The following COL14A1 variants were observed in gnomAD, a reference collection of about 807,000 sequenced individuals.
COL14A1 encodes collagen alpha-1(XIV) chain.
A neutral mutation model predicts 230.3 loss-of-function variants in COL14A1; 136 were observed. That is an observed-to-expected ratio of 0.59 (90% CI 0.51 to 0.68). The LOEUF is 0.68. Among genes scored for constraint, COL14A1 ranks in the 30% least tolerant of loss-of-function variants. COL14A1 has a pLI of 0.00. For synonymous variants in COL14A1, 792 were observed against 784.1 expected (o/e 1.01, Z -0.17); for missense variants, 1,976 against 2,215.8 (o/e 0.89, Z 2.17).
chr8:120,248,007 A>G lies in COL14A1; in HGVS notation c.2602+272A>G, dbSNP rs753755371. Among the ~76,000 whole-genome samples, 85 of 152,184 alleles carry G rather than the reference A, an allele frequency of 5.6e-4. 3 individuals carry two copies. Among genetic ancestry groups the G allele is most frequent in the Non-Finnish European group, 1.5e-4 (10 of 68,032 alleles). On this transcript the variant is annotated intron_variant, in intron 21 of 47. Transcript: ENST00000297848. ...TATTGGGTATATACATGACCTAATC[A>G]TACCCTAGACCAGGAACCAATCTAA...
intron 11 of COL14A1, among the ~76,000 whole-genome samples, chr8:120,209,397 AGT>A (rs1396176906): frequency 1.3e-5 from 2 of 152,056 alleles, no homozygotes; most frequent in African/African-American, 4.8e-5. Flanking sequence ...AGGATGTTTT[AGT>A]GTAGTAGGGG....
chr8:120,132,650 C>G (rs1365555977), intron 1 of COL14A1, among the ~76,000 whole-genome samples: 3 of 149,054 alleles, frequency 2.0e-5, no homozygotes, highest in Non-Finnish European at 3.0e-5. Flanking sequence ...GGGTAACGTT[C>G]TTTTTTTTCT....
chr8:120,248,408 A>G (rs1251843369), intron 21 of COL14A1, among the ~76,000 whole-genome samples: 1 of 152,130 alleles, frequency 6.6e-6, no homozygotes, highest in Non-Finnish European at 1.5e-5. Context: ...TTACAGTACC[A>G]TCTCCCCATT....
intron 5 of COL14A1, 24 bp downstream of exon 5, chr8:120,168,271 CAT>C: frequency 6.5e-7 from 1 of 1,542,972 alleles, no homozygotes; most frequent in Non-Finnish European, 8.9e-7. Context: ...TTAATTAACT[CAT>C]ATTGGGAGTT....
chr8:120,231,049 G>T (rs535731252), intron 18 of COL14A1, among the ~76,000 whole-genome samples: 16 of 152,334 alleles, frequency 1.1e-4, no homozygotes, highest in Non-Finnish European at 2.1e-4. Flanking sequence ...ATTGGGATGT[G>T]TGTTGGATGC....
intron 22 of COL14A1, among the ~76,000 whole-genome samples, chr8:120,252,765 A>G (rs913446141): frequency 6.6e-6 from 1 of 152,172 alleles, no homozygotes. Context: ...CACTTGCCCT[A>G]TATCTTACCC....
intron 2 of COL14A1, among the ~76,000 whole-genome samples, chr8:120,149,084 A>G (rs561637417): frequency 2.6e-5 from 4 of 152,270 alleles, no homozygotes; most frequent in Non-Finnish European, 4.4e-5. Flanking sequence ...AATATGCACA[A>G]CTGTGCAAAG....
At chr8:120,225,038 T>G in intron 14 of COL14A1, 50 bp from the exon 15 acceptor site, 1 of 1,559,358 alleles carries the variant, frequency 6.4e-7, no homozygotes, top group Non-Finnish European at 8.7e-7. Flanking sequence ...AAAATGATTC[T>G]TATACTTAGC....
At chr8:120,323,905 A>C (rs1403488587) in intron 40 of COL14A1, among the ~76,000 whole-genome samples, 1 of 152,184 alleles carries the variant, frequency 6.6e-6, no homozygotes, top group East Asian at 1.9e-4. Flanking sequence ...TAAGAATGAG[A>C]TAATGTCCTT....
At chr8:120,292,148 T>C (rs1048723377) in intron 34 of COL14A1, among the ~76,000 whole-genome samples, 13 of 152,166 alleles carry the variant, frequency 8.5e-5, no homozygotes, top group Admixed American at 7.9e-4. Context: ...TTTACAATTG[T>C]ATTTTAACGT....
chr8:120,180,701 CTTTTTTTTTTTTT>C (rs34377563), intron 5 of COL14A1, among the ~76,000 whole-genome samples: 6 of 83,544 alleles, frequency 7.2e-5, no homozygotes, highest in African/African-American at 3.1e-4. Flanking sequence ...GGTAGGAAGC[CTTTTTTTTTTTTT>C]TTTTTTTTTT....
intron 5 of COL14A1, among the ~76,000 whole-genome samples, chr8:120,184,153 A>G (rs1816567317): frequency 6.6e-6 from 1 of 152,068 alleles, no homozygotes; most frequent in Non-Finnish European, 1.5e-5. Context: ...TATTAATATA[A>G]AAAAGGAAGC....
At chr8:120,231,122 G>T (rs1276290950) in intron 18 of COL14A1, among the ~76,000 whole-genome samples, 1 of 152,204 alleles carries the variant, frequency 6.6e-6, no homozygotes, top group Non-Finnish European at 1.5e-5. Flanking sequence ...CAGAGCACTA[G>T]TGTGAGGTTC....
intron 23 of COL14A1, among the ~76,000 whole-genome samples, 159 bp downstream of exon 23, chr8:120,255,515 T>G (rs1232322868): frequency 1.3e-5 from 2 of 152,244 alleles, no homozygotes; most frequent in Non-Finnish European, 2.9e-5. Context: ...TCTGACTGGT[T>G]GGGTAAGTGA....
chr8:120,154,998 C>T (rs1374870191), intron 2 of COL14A1, among the ~76,000 whole-genome samples: 1 of 152,096 alleles, frequency 6.6e-6, no homozygotes, highest in East Asian at 1.9e-4. Context: ...ACAGCTGTGA[C>T]CTCAGGCCTC....
intron 45 of COL14A1, among the ~76,000 whole-genome samples, chr8:120,363,048 A>C (rs563925844): frequency 2.0e-5 from 3 of 152,340 alleles, no homozygotes; most frequent in Admixed American, 2.0e-4. Context: ...TAGAAAAAGC[A>C]GTGTTCACCT....
chr8:120,306,466 A>G (rs1184386232), intron 36 of COL14A1, among the ~76,000 whole-genome samples: 1 of 152,216 alleles, frequency 6.6e-6, no homozygotes, highest in Non-Finnish European at 1.5e-5. Context: ...AAACTAAGAA[A>G]TAGTATCCTG....
At chr8:120,224,008 C>A (rs1342926853) in intron 14 of COL14A1, among the ~76,000 whole-genome samples, 1 of 144,940 alleles carries the variant, frequency 6.9e-6, no homozygotes, top group African/African-American at 2.6e-5. Flanking sequence ...GCCTTCTAGA[C>A]CCTGCCCTCA....
At position 120,283,504 on chromosome 8, in the gene COL14A1, C is replaced by T. The variant is rs1298100323; in HGVS notation, c.3825-132C>T. On this transcript the variant is annotated intron_variant, in intron 31 of 47. Coordinates refer to ENST00000297848, the MANE Select transcript of COL14A1 (RefSeq NM_021110.4). ...TTTACTAAATTAGATCAACAGTGAT[C>T]TAGTTGGTGTTAATGGTGGTCTTTT... 3.7e-6 allele frequency: 3 copies of T among 816,516 alleles called. No homozygotes were observed. In the East Asian group the frequency reaches 7.6e-5, roughly 21 times the overall value. 50.6% of individuals were successfully genotyped at this position (816,516 alleles called of 1,614,324 possible). A position where few individuals can be genotyped will look rare whatever the true frequency, so the allele number is the denominator to read the frequency against.
Sources: allele counts gnomAD v4.1 joint callset (sites outside exome capture counted in the v4.1 genomes callset), GRCh38; gene constraint gnomAD v4.1.1; transcripts MANE v1.5; gene names NCBI Gene and HGNC (gene_info 2026-07-23, HGNC 2026-07-21).